Variants in ARHGAP10 observed in about 807,000 individuals in gnomAD.
The protein encoded by ARHGAP10 is Rho GTPase activating protein 10.
Under a neutral mutation model 108.6 loss-of-function variants are expected in ARHGAP10, and 87 were observed. The ratio of observed to expected loss-of-function variants is 0.80; its 90% CI spans 0.67 to 0.96. The LOEUF (loss-of-function observed/expected upper bound fraction) is 0.96. ARHGAP10 is among the 40% of genes least tolerant of loss of function. The pLI is 0.00. For synonymous variants in ARHGAP10, 347 were observed against 341.1 expected (o/e 1.02, Z -0.19); for missense variants, 939 against 954.5 (o/e 0.98, Z 0.21).
At position 147,999,542 on chromosome 4, in the gene ARHGAP10, G is replaced by A. The variant is rs903657882; in HGVS notation, c.1717-23721G>A. On this transcript the variant is annotated intron_variant, in intron 18 of 22. Transcript: ENST00000336498. ...CTGATCCAGTGAGGCGCCCATTGCC[G>A]CTCTGGATCAGGTTAAAGGCTTGCC... Among the ~76,000 whole-genome samples, 8 of 152,272 alleles carry A rather than the reference G, an allele frequency of 5.3e-5. No homozygotes were observed. In the East Asian group the frequency reaches 5.8e-4, roughly 11 times the overall value.
chr4:147,780,095 C>G (rs1730468253), intron 1 of ARHGAP10, among the ~76,000 whole-genome samples: 1 of 152,132 alleles, frequency 6.6e-6, no homozygotes, highest in Admixed American at 6.5e-5. Flanking sequence ...CAGTTTTCCC[C>G]TCATTTTCAA....
intron 6 of ARHGAP10, chr4:147,865,193 T>C (rs1734504827): frequency 5.4e-6 from 2 of 368,816 alleles, no homozygotes; most frequent in South Asian, 7.5e-5. Context: ...CTACATGATC[T>C]CAAGGAAGGC....
chr4:147,998,599 C>A (rs1386554747), intron 18 of ARHGAP10, among the ~76,000 whole-genome samples: 2 of 152,198 alleles, frequency 1.3e-5, no homozygotes, highest in Admixed American at 1.3e-4. Context: ...CAAATAGAAT[C>A]AATACTTTAT....
chr4:148,034,205 C>A (rs1728273317), intron 19 of ARHGAP10, among the ~76,000 whole-genome samples: 1 of 152,278 alleles, frequency 6.6e-6, no homozygotes, highest in East Asian at 1.9e-4. Context: ...GCTTCAGATA[C>A]GCTTTCATGT....
Position 147,822,920 on chromosome 4 carries a change from A to G in ARHGAP10, c.275A>G (p.Asn92Ser). The G allele has an allele frequency of 6.2e-7, 1 of 1,614,036 alleles. No homozygotes were observed. Among genetic ancestry groups the G allele is most frequent in the Non-Finnish European group, 8.5e-7 (1 of 1,179,920 alleles). Residue 92 changes from asparagine (N) to serine (S), a missense_variant, in exon 3 of 23, where the codon AAT becomes AGT. Coordinates refer to ENST00000336498, the MANE Select transcript of ARHGAP10 (RefSeq NM_024605.4). ...GATGCTTCCTTACGTGAATTTTCAA[A>G]TTTTTTGAAGAATCTGGAGGAACAG... The part of the protein sequence containing the change: ...CIDASLREFS[N>S]FLKNLEEQRE...
At chr4:147,884,888 G>A (rs1735480082) in intron 10 of ARHGAP10, among the ~76,000 whole-genome samples, 1 of 152,222 alleles carries the variant, frequency 6.6e-6, no homozygotes, top group Non-Finnish European at 1.5e-5. Flanking sequence ...AGGGCAGTGA[G>A]TGACAATTAT....
At chr4:147,964,161 A>AC (rs1371248508) in intron 16 of ARHGAP10, among the ~76,000 whole-genome samples, 1 of 150,978 alleles carries the variant, frequency 6.6e-6, no homozygotes, top group Non-Finnish European at 1.5e-5. Context: ...AAGCCCCGTG[A>AC]CCCCCCTCCC....
At chr4:147,979,052 C>T (rs981009847) in intron 18 of ARHGAP10, among the ~76,000 whole-genome samples, 5 of 152,076 alleles carry the variant, frequency 3.3e-5, no homozygotes, top group African/African-American at 1.2e-4. Flanking sequence ...TGCAGAAGCC[C>T]TTTAGATTAA....
intron 1 of ARHGAP10, among the ~76,000 whole-genome samples, chr4:147,794,137 A>G (rs1376784983): frequency 6.6e-6 from 1 of 152,148 alleles, no homozygotes; most frequent in African/African-American, 2.4e-5. Flanking sequence ...ATTATGGTGG[A>G]AAGTGCAAAG....
chr4:148,044,231 G>C (rs1322661676), intron 19 of ARHGAP10, among the ~76,000 whole-genome samples: 2 of 152,096 alleles, frequency 1.3e-5, no homozygotes, highest in Non-Finnish European at 1.5e-5. Context: ...CAGTGTAAAT[G>C]ATCTGCTCTA....
intron 1 of ARHGAP10, among the ~76,000 whole-genome samples, chr4:147,775,499 A>G (rs1235080382): frequency 6.6e-6 from 1 of 152,206 alleles, no homozygotes; most frequent in Non-Finnish European, 1.5e-5. Context: ...GGGCCTATCA[A>G]GCCTTGCTCT....
At chr4:147,941,899 T>G (rs1263342224) in intron 14 of ARHGAP10, among the ~76,000 whole-genome samples, 1 of 152,176 alleles carries the variant, frequency 6.6e-6, no homozygotes, top group Non-Finnish European at 1.5e-5. Context: ...AGTGGACTTG[T>G]CTCTTTTTTC....
intron 10 of ARHGAP10, among the ~76,000 whole-genome samples, chr4:147,886,548 T>C (rs1170613658): frequency 6.6e-6 from 1 of 152,224 alleles, no homozygotes; most frequent in Non-Finnish European, 1.5e-5. Context: ...AGTTGAAATT[T>C]CATAGTCACT....
At chr4:148,070,768 A>G (rs1355857290) in intron 22 of ARHGAP10, among the ~76,000 whole-genome samples, 1 of 152,066 alleles carries the variant, frequency 6.6e-6, no homozygotes, top group Middle Eastern at 3.2e-3. Flanking sequence ...CCACCTTTCG[A>G]GTTGGTCCGC....
At chr4:147,940,420 G>T (rs554156492) in intron 14 of ARHGAP10, among the ~76,000 whole-genome samples, 1 of 152,114 alleles carries the variant, frequency 6.6e-6, no homozygotes, top group Non-Finnish European at 1.5e-5. Context: ...CTTTGGCATC[G>T]CAGACTAGAG....
At chr4:148,025,723 T>C (rs540741896) in intron 19 of ARHGAP10, among the ~76,000 whole-genome samples, 2 of 152,228 alleles carry the variant, frequency 1.3e-5, no homozygotes, top group South Asian at 4.1e-4. Context: ...AGATGTATTC[T>C]TGTCATTACG....
intron 13 of ARHGAP10, among the ~76,000 whole-genome samples, chr4:147,935,762 T>C (rs1737902881): frequency 6.6e-6 from 1 of 152,204 alleles, no homozygotes; most frequent in African/African-American, 2.4e-5. Context: ...TAGCAAGAAA[T>C]AGAAAATCGA....
At chr4:147,988,462 T>A (rs1275366862) in intron 18 of ARHGAP10, among the ~76,000 whole-genome samples, 1 of 152,162 alleles carries the variant, frequency 6.6e-6, no homozygotes, top group Admixed American at 6.5e-5. Flanking sequence ...ATTTTACAGT[T>A]CCCTCCTCCA....
rs1216267606 is a variant in ARHGAP10 at position 147,881,903 on chromosome 4, G to C, written c.1005G>C (p.Arg335Ser). 6.2e-7 allele frequency: 1 copy of C among 1,614,082 alleles called. No individual in the cohort carries two copies. The highest frequency in any genetic ancestry group is 8.5e-7 in the Non-Finnish European group (1 of 1,179,996). ...GGCATACTGACTCCATTGACAGAAG[G>C]TTTTGTTTTGACATAGAAGCTGCTG... ...TKRHTDSIDR[R>S]FCFDIEAADR... The change falls in exon 10 of 23, where the codon AGG becomes AGC. Residue 335 changes from arginine to serine, a missense_variant. By Grantham distance (110) the Arg-to-Ser change is moderately radical (BLOSUM62 -1). Transcript: ENST00000336498.
Sources: gnomAD v4.1 joint callset for allele counts (sites outside exome capture counted in the v4.1 genomes callset) on GRCh38, gnomAD v4.1.1 for gene constraint, MANE v1.5 for transcripts, NCBI Gene and HGNC (gene_info 2026-07-23, HGNC 2026-07-21) for gene names.